COL16A1: variants seen among roughly 807,000 people sequenced by gnomAD.
COL16A1 encodes the protein collagen type XVI alpha 1 chain.
COL16A1 carries 189 observed loss-of-function variants against 266.3 expected under a neutral mutation model. The ratio of observed to expected loss-of-function variants is 0.71; its 90% confidence interval spans 0.63 to 0.80. The LOEUF (loss-of-function observed/expected upper bound fraction) is 0.80, where lower values mean the gene tolerates loss of function less well. Ranked by LOEUF, COL16A1 falls within the 30% of genes least tolerant of loss-of-function variation. The pLI, the probability that COL16A1 is intolerant of heterozygous loss-of-function variation, is 0.00. For missense variants in COL16A1, 1,928 were observed against 2,122.4 expected, an observed-to-expected ratio of 0.91 and a Z score of 1.80; for synonymous variants, 740 against 782.3, an observed-to-expected ratio of 0.95 and a Z score of 0.90.
At chr1:31,671,369 G>T (rs188936478) in intron 48 of COL16A1, among the ~76,000 whole-genome samples, 3 of 152,312 alleles carry the variant, frequency 2.0e-5, no homozygotes, top group South Asian at 4.1e-4. Context: ...GGGAAGCAAA[G>T]AGGTGCCTCT....
intron 67 of COL16A1, 118 bp from the exon 68 acceptor site, chr1:31,654,976 T>C: frequency 4.3e-6 from 5 of 1,163,694 alleles, no homozygotes; most frequent in Non-Finnish European, 5.5e-6. Context: ...AGATTCTTTT[T>C]TTTTTTTTTT....
At position 31,658,870 on chromosome 1, in the gene COL16A1, GC is replaced by G. The variant is rs1472460748; in HGVS notation, c.3930+43del. The G allele has an allele frequency of 3.2e-6, 5 of 1,549,698 alleles. No individual in the cohort carries two copies. The South Asian group carries it at 3.6e-5, about 11-fold the overall frequency. On this transcript the variant is annotated intron_variant, in intron 63 of 70. Coordinates refer to ENST00000373672, the MANE Select transcript of COL16A1 (RefSeq NM_001856.4). ...TGAATGGAGCCCACAGTCAAGCAGG[GC>G]AAAACTCCTGGGAGGGAGGAAGGAG...
intron 60 of COL16A1, 120 bp from the exon 61 acceptor site, chr1:31,661,239 T>C: frequency 6.8e-7 from 1 of 1,470,718 alleles, no homozygotes; most frequent in East Asian, 2.4e-5. Flanking sequence ...GGCCCTCTGA[T>C]GCCCTCCAGC....
In COL16A1 at chr1:31,668,733, C is replaced by T. The variant is rs1214734772; in HGVS notation, c.3249+69G>A. On this transcript the variant is annotated intron_variant, in intron 50 of 70. Transcript: ENST00000373672. This position sits in a 1 kb window ranked among gnomAD's most constrained non-coding sequence, Gnocchi z 5.8. ...TCCACTCAGCAGCCACCCTTCAGAG[C>T]TCAAGCTCTGCCTCCCCAGCTCTTC... 1.3e-6 allele frequency: 2 copies of T among 1,569,136 alleles called. No individual in the cohort carries two copies. Among genetic ancestry groups the T allele is most frequent in the Non-Finnish European group, 8.8e-7 (1 of 1,140,030 alleles).
chr1:31,654,971 C>CTTTTT lies in COL16A1; in HGVS notation c.4291-118_4291-114dup, dbSNP rs10586841. On this transcript the variant is annotated intron_variant, in intron 67 of 70. Transcript: ENST00000373672. Reference sequence around the variant, plus strand: ...AGGTCCCAGGAGCCTCCCACAGATTCTTTTTTTTTTTTTTTTTTTTTTTTT... The same window carrying CTTTTT: ...AGGTCCCAGGAGCCTCCCACAGATTCTTTTTTTTTTTTTTTTTTTTTTTTTTTTTT... The CTTTTT allele has an allele frequency of 2.1e-4, 89 of 414,370 alleles. 1 individual carries two copies. The highest frequency in any genetic ancestry group is 5.2e-4 in the Admixed American group (6 of 11,522). 25.7% of individuals were successfully genotyped at this position (414,370 alleles called of 1,614,324 possible).
chr1:31,676,022 T>C (rs967634624), intron 42 of COL16A1, among the ~76,000 whole-genome samples: 11 of 152,122 alleles, frequency 7.2e-5, no homozygotes, highest in South Asian at 2.1e-4. Context: ...ATCTTAAAAA[T>C]AGCACAAAGA....
rs1467268571 is a variant in COL16A1, at chr1:31,683,565, C to T, written c.2379+142G>A. The T allele has an allele frequency of 1.9e-6, 3 of 1,570,440 alleles. No individual in the cohort carries two copies. The East Asian group carries it at 6.7e-5, about 35-fold the overall frequency. On this transcript the variant is annotated intron_variant, in intron 34 of 70. Transcript: ENST00000373672. The stretch of plus-strand genomic sequence containing the variant: ...TGACAGAAGCAACAGCAGGCCAGGG[C>T]TGCGGCCTGATCCCTGGTCCCAGAA...
In COL16A1 at chr1:31,697,211, G is replaced by A; in HGVS notation, c.738+9C>T. ...TGTCCCTGGGCAGCCCAAGGGCCGGGCCACTCACCCCTGCTGGTAAAATCT... is the reference window on the plus strand; with the variant it reads ...TGTCCCTGGGCAGCCCAAGGGCCGGACCACTCACCCCTGCTGGTAAAATCT... On this transcript the variant is annotated intron_variant, in intron 7 of 70. Transcript: ENST00000373672. The surrounding 1 kb of genome is among the most constrained non-coding windows in gnomAD (Gnocchi z 4.2). 1 of 1,613,238 alleles carries A rather than the reference G, an allele frequency of 6.2e-7. No individual in the cohort carries two copies. The highest frequency in any genetic ancestry group is 8.5e-7 in the Non-Finnish European group (1 of 1,179,674).
In COL16A1 at chr1:31,690,362, C is replaced by A; in HGVS notation, c.1509+5G>T. On this transcript the variant is annotated splice_donor_5th_base_variant and intron_variant, in intron 22 of 70. Coordinates refer to ENST00000373672, the MANE Select transcript of COL16A1 (RefSeq NM_001856.4). ...CCGATCTGGGCAGCCAGGCCTAGGA[C>A]TCACCTTCTCTCCCTTCACACCTGG... is the stretch of plus-strand genomic sequence containing the variant. 1 of 1,613,898 alleles carries A rather than the reference C, an allele frequency of 6.2e-7. No individual in the cohort carries two copies. The highest frequency in any genetic ancestry group is 1.1e-5 in the South Asian group (1 of 91,054).
In COL16A1 at chr1:31,692,422, T is replaced by C. The variant is rs946691528; in HGVS notation, c.1194+52A>G. On this transcript the variant is annotated intron_variant, in intron 16 of 70. Coordinates refer to ENST00000373672, the MANE Select transcript of COL16A1 (RefSeq NM_001856.4). ...CCCGACTCCTCCTTCCTCATGGCTG[T>C]AGAGCCTGCAGACCTCCCTGGAAAT... The C allele has an allele frequency of 5.1e-6, 8 of 1,582,378 alleles. No homozygotes were observed. In the African/African-American group the frequency reaches 8.1e-5, roughly 16 times the overall value.
At chr1:31,672,973 C>G (rs547650933) in intron 44 of COL16A1, 133 bp from the exon 45 acceptor site, 1 of 837,302 alleles carries the variant, frequency 1.2e-6, no homozygotes, top group African/African-American at 1.7e-5. Flanking sequence ...CACTCCCTCC[C>G]TCCCCAGCCG....
At chr1:31,684,678 C>G (rs1226379692) in intron 30 of COL16A1, 48 bp from the exon 31 acceptor site, 2 of 1,607,800 alleles carry the variant, frequency 1.2e-6, no homozygotes, top group South Asian at 2.2e-5. Flanking sequence ...CAGCCGGGGG[C>G]AGGTTGCCCC....
chr1:31,666,206 G>A (rs895114501), intron 52 of COL16A1, 125 bp from the exon 53 acceptor site: 38 of 999,970 alleles, frequency 3.8e-5, no homozygotes, highest in Non-Finnish European at 5.5e-5. Context: ...GGGCTGGCAG[G>A]CCCCCTCTGC....
chr1:31,661,365 C>T (rs1641648034), intron 60 of COL16A1, 49 bp downstream of exon 60: 1 of 1,613,616 alleles, frequency 6.2e-7, no homozygotes, highest in Non-Finnish European at 8.5e-7. Flanking sequence ...GGGGGCAAGC[C>T]TTCAGGAGAG....
At chr1:31,674,515 C>G (rs1019954046) in intron 44 of COL16A1, among the ~76,000 whole-genome samples, 1 of 152,232 alleles carries the variant, frequency 6.6e-6, no homozygotes, top group Admixed American at 6.5e-5. Context: ...TGACCAGGTC[C>G]GAAGTCCCCT....
rs770762071 is a variant in COL16A1 at position 31,684,122 on chromosome 1, C to T, written c.2270G>A (p.Arg757Gln). The T allele has an allele frequency of 1.3e-5, 20 of 1,575,560 alleles. No individual in the cohort carries two copies. Among genetic ancestry groups the T allele is most frequent in the African/African-American group, 4.0e-5 (3 of 74,286 alleles). ...CAGGCAACTCACGGGTTTACCAGGT[C>T]GGCCCACGCCTTCGGGGCCCTGCTC... Reference protein sequence around the residue: ...KGEQGPEGVGRPGKPGQPGLP... With the variant: ...KGEQGPEGVGQPGKPGQPGLP... The change falls in exon 32 of 71, where the codon CGA (arginine) becomes CAA (glutamine). Residue 757 changes from arginine to glutamine, a missense_variant. This residue lies in a region of COL16A1 where 1,552 missense variants were observed against 1,637.2 expected (regional missense o/e 0.95). Coordinates refer to ENST00000373672, the MANE Select transcript of COL16A1 (RefSeq NM_001856.4).
intron 17 of COL16A1, 85 bp from the exon 18 acceptor site, chr1:31,691,727 C>T: frequency 6.6e-7 from 1 of 1,510,200 alleles, no homozygotes; most frequent in East Asian, 2.3e-5. Context: ...CCACCTGTCC[C>T]ACCCTCCCTG....
chr1:31,700,916 T>A (rs183246533), intron 2 of COL16A1, among the ~76,000 whole-genome samples: 2 of 152,270 alleles, frequency 1.3e-5, no homozygotes, highest in Non-Finnish European at 2.9e-5. Flanking sequence ...TCCAAAGCCC[T>A]GAAAGAACAG....
Position 31,666,057 on chromosome 1 carries a change from G to A in COL16A1, c.3382C>T (p.Pro1128Ser), listed in dbSNP as rs1233612683. 4 of 1,612,854 alleles carry A rather than the reference G, an allele frequency of 2.5e-6. No individual in the cohort carries two copies. The highest frequency in any genetic ancestry group is 3.4e-5 in the Admixed American group (2 of 59,560). ...EPGPPGSEGL[P>S]GPPGPAGPRG... ...CTCACCGCTGGGCCTGGGGGGCCTG[G>A]GAGGCCTTCAGATCCTGGGGGGCCC... Residue 1128 changes from proline to serine, a missense_variant, in exon 53 of 71, where the codon CCA becomes TCA. Physicochemically the swap from Pro to Ser is moderately conservative, Grantham distance 74 (BLOSUM62 -1). Transcript: ENST00000373672.
Sources: gnomAD v4.1 joint callset for allele counts (sites outside exome capture counted in the v4.1 genomes callset) on GRCh38, gnomAD v4.1.1 for gene constraint, gnomAD v4.1.1 regional missense constraint, Gnocchi (gnomAD v3.1) non-coding constraint, MANE v1.5 for transcripts, NCBI Gene and HGNC (gene_info 2026-07-23, HGNC 2026-07-21) for gene names.